The following TNS3 variants were observed in gnomAD, a reference collection of about 807,000 sequenced individuals.
The protein encoded by TNS3 is tensin 3.
In TNS3, 45 loss-of-function variants were observed where a neutral mutation model predicts 140.9. The observed-to-expected ratio is 0.32, with a 90% CI of 0.25 to 0.41. The LOEUF is 0.41. TNS3 is among the 10% of genes least tolerant of loss of function. The probability of loss-of-function intolerance (pLI) is 1.00; values close to 1 mark genes in which losing one functional copy is unlikely to be tolerated. For synonymous variants in TNS3, 815 were observed against 788.4 expected, an observed-to-expected ratio of 1.03 and a Z score of -0.56; for missense variants, 1,716 against 1,906.7, an observed-to-expected ratio of 0.90 and a Z score of 1.86.
intron 17 of TNS3, among the ~76,000 whole-genome samples, chr7:47,361,915 A>G (rs755431471): frequency 2.0e-5 from 3 of 152,182 alleles, no homozygotes; most frequent in Non-Finnish European, 4.4e-5. Flanking sequence ...CCCTCAAGGT[A>G]TGAAAAAAAA....
intron 4 of TNS3, among the ~76,000 whole-genome samples, chr7:47,447,566 C>A (rs902013042): frequency 5.9e-5 from 9 of 152,138 alleles, no homozygotes; most frequent in African/African-American, 2.2e-4. Context: ...CCCGACCTCA[C>A]CTTGGAGTTA....
Position 47,368,712 on chromosome 7 carries a change from C to A in TNS3, c.1934G>T (p.Arg645Met). Residue 645 changes from arginine (R) to methionine (M), a missense_variant, in exon 17 of 31, where the codon AGG becomes ATG. This residue lies in a region of TNS3 where 1,163 missense variants were observed against 1,182.1 expected (regional missense o/e 0.98). Coordinates refer to ENST00000311160, the MANE Select transcript of TNS3 (RefSeq NM_022748.12). ...GGGATGTGGCCCACTGCCTACACCC[C>A]TCTGGACAGCCACCCTACTGCTGGT... ...RGTSSRVAVQ[R>M]GVGSGPHPPD... The A allele has an allele frequency of 6.3e-7, 1 of 1,579,012 alleles. No individual in the cohort carries two copies.
intron 4 of TNS3, among the ~76,000 whole-genome samples, chr7:47,453,537 C>T (rs900519212): frequency 1.3e-5 from 2 of 152,182 alleles, no homozygotes; most frequent in Non-Finnish European, 2.9e-5. Flanking sequence ...TTCATTTTTG[C>T]TCCACTTCAT....
intron 4 of TNS3, among the ~76,000 whole-genome samples, chr7:47,455,916 C>T (rs1157905381): frequency 6.6e-6 from 1 of 152,200 alleles, no homozygotes; most frequent in Non-Finnish European, 1.5e-5. Context: ...TGGAGGCACA[C>T]TGCGTGTGGT....
At chr7:47,565,744 G>A (rs1584862068) in intron 1 of TNS3, among the ~76,000 whole-genome samples, 2 of 152,132 alleles carry the variant, frequency 1.3e-5, no homozygotes, top group South Asian at 2.1e-4. Context: ...CTGAAAATAC[G>A]CACAAATTTA....
chr7:47,501,182 AAGGAAGGGAGGGAGGGAGGG>A (rs1443884816), intron 3 of TNS3, among the ~76,000 whole-genome samples: 66 of 122,168 alleles, frequency 5.4e-4, no homozygotes, highest in East Asian at 9.9e-4. Context: ...GAGAGGAAGG[AAGGAAGGGAGGGAGGGAGGG>A]AGGGAGGGAG....
rs1476050672 is a variant in TNS3, at chr7:47,368,464, T to A, written c.2182A>T (p.Asn728Tyr). The A allele has an allele frequency of 1.9e-6, 3 of 1,586,346 alleles. No homozygotes were observed. The African/African-American group carries it at 4.0e-5, about 21-fold the overall frequency. ...THMNALGSQANGSVSPDSVGG... is the reference protein window; with the variant it reads ...THMNALGSQAYGSVSPDSVGG... Reference sequence around the variant, plus strand: ...ACGCTGTCTGGAGACACAGAGCCATTGGCCTGGCTACCGAGGGCGTTCATG... The same window carrying A: ...ACGCTGTCTGGAGACACAGAGCCATAGGCCTGGCTACCGAGGGCGTTCATG... Residue 728 changes from asparagine (N) to tyrosine (Y), a missense_variant, in exon 17 of 31, where the codon AAT (asparagine) becomes TAT (tyrosine). Around this residue, in one of 3 missense-constraint regions of TNS3, gnomAD observed 1,163 missense variants for 1,182.1 expected, o/e 0.98. Transcript: ENST00000311160.
intron 16 of TNS3, among the ~76,000 whole-genome samples, chr7:47,391,554 G>C (rs1440784689): frequency 6.6e-6 from 1 of 152,196 alleles, no homozygotes. Flanking sequence ...CACCCCAATG[G>C]GGAGTGTGGC....
intron 1 of TNS3, among the ~76,000 whole-genome samples, chr7:47,552,129 T>G (rs1351573989): frequency 6.6e-6 from 1 of 152,124 alleles, no homozygotes; most frequent in Non-Finnish European, 1.5e-5. Context: ...TTTCATTATT[T>G]TTCTCCTGAG....
intron 3 of TNS3, among the ~76,000 whole-genome samples, chr7:47,497,642 G>A (rs564112669): frequency 7.0e-6 from 1 of 143,100 alleles, no homozygotes; most frequent in Non-Finnish European, 1.5e-5. Flanking sequence ...TATTCGCCTA[G>A]TACAGAGTTT....
At chr7:47,305,207 C>T (rs1786676690) in intron 20 of TNS3, among the ~76,000 whole-genome samples, 1 of 152,228 alleles carries the variant, frequency 6.6e-6, no homozygotes, top group Non-Finnish European at 1.5e-5. Flanking sequence ...GGTTTATTCT[C>T]ACCCATCACT....
intron 3 of TNS3, among the ~76,000 whole-genome samples, chr7:47,488,059 G>T (rs995902445): frequency 6.6e-6 from 1 of 152,196 alleles, no homozygotes; most frequent in Non-Finnish European, 1.5e-5. Flanking sequence ...CTGGTTGCAA[G>T]GAGGGTGGAG....
At chr7:47,530,727 G>C (rs929599974) in intron 1 of TNS3, among the ~76,000 whole-genome samples, 2 of 149,952 alleles carry the variant, frequency 1.3e-5, no homozygotes, top group African/African-American at 4.9e-5. Flanking sequence ...GGGAGGCTAA[G>C]GCAGGAAATC....
chr7:47,416,943 C>G (rs1794112757), intron 10 of TNS3, among the ~76,000 whole-genome samples: 1 of 152,202 alleles, frequency 6.6e-6, no homozygotes, highest in Admixed American at 6.5e-5. Context: ...GGGAAATCAG[C>G]TTCCTCAGCT....
intron 1 of TNS3, among the ~76,000 whole-genome samples, chr7:47,541,368 A>C (rs1422527231): frequency 6.6e-6 from 1 of 152,126 alleles, no homozygotes; most frequent in Non-Finnish European, 1.5e-5. Flanking sequence ...ACACACACAC[A>C]TGCACACACA....
chr7:47,352,593 C>G (rs570533402), intron 17 of TNS3, among the ~76,000 whole-genome samples: 9 of 152,226 alleles, frequency 5.9e-5, no homozygotes, highest in African/African-American at 1.9e-4. Flanking sequence ...GAAGCCAGGG[C>G]GCTGGCTGTT....
chr7:47,328,341 G>A (rs1174828313), intron 20 of TNS3, among the ~76,000 whole-genome samples: 1 of 152,182 alleles, frequency 6.6e-6, no homozygotes, highest in Non-Finnish European at 1.5e-5. Flanking sequence ...GCTGCGGTTT[G>A]CTTCCTTTTC....
intron 4 of TNS3, among the ~76,000 whole-genome samples, chr7:47,458,777 G>A (rs1046864190): frequency 9.2e-5 from 14 of 152,168 alleles, no homozygotes; most frequent in African/African-American, 3.4e-4. Context: ...CTGAAGAGCA[G>A]GGCCTCACTG....
intron 1 of TNS3, among the ~76,000 whole-genome samples, chr7:47,560,398 A>G (rs1306074149): frequency 1.3e-5 from 2 of 152,132 alleles, no homozygotes; most frequent in African/African-American, 2.4e-5. Flanking sequence ...TCGTCTATCA[A>G]TTGCCCAATC....
Sources: gnomAD v4.1 joint callset for allele counts (sites outside exome capture counted in the v4.1 genomes callset) on GRCh38, gnomAD v4.1.1 for gene constraint, gnomAD v4.1.1 regional missense constraint, MANE v1.5 for transcripts, NCBI Gene and HGNC (gene_info 2026-07-23, HGNC 2026-07-21) for gene names.